LPIN1: variants seen among roughly 807,000 people sequenced by gnomAD.
The protein encoded by LPIN1 is phosphatidate phosphatase LPIN1.
In LPIN1, 71 loss-of-function variants were observed where a neutral mutation model predicts 107.5. The ratio of observed to expected loss-of-function variants is 0.66; its 90% CI spans 0.55 to 0.80. The LOEUF (loss-of-function observed/expected upper bound fraction) is 0.80. Among genes scored for constraint, LPIN1 ranks in the 30% least tolerant of loss-of-function variants. LPIN1 has a pLI of 0.00. For missense variants in LPIN1, 1,043 were observed against 1,160.6 expected (o/e 0.90, Z 1.47); for synonymous variants, 445 against 452.6 (o/e 0.98, Z 0.21).
intron 14 of LPIN1, among the ~76,000 whole-genome samples, chr2:11,796,531 G>T (rs948888887): frequency 2.0e-5 from 3 of 152,266 alleles, no homozygotes; most frequent in African/African-American, 4.8e-5. Context: ...CCTGGTAGGG[G>T]TGAGTTTGAA....
In LPIN1 at chr2:11,765,008, T is replaced by C. The variant is rs1670554567; in HGVS notation, c.-9-525T>C. Among the ~76,000 whole-genome samples, 1 of 151,930 alleles carries C rather than the reference T, an allele frequency of 6.6e-6. No homozygotes were observed. Among genetic ancestry groups the C allele is most frequent in the African/African-American group, 2.4e-5 (1 of 41,376 alleles). On this transcript the variant is annotated intron_variant, in intron 1 of 20. Transcript: ENST00000674199. The surrounding 1 kb of genome is among the most constrained non-coding windows in gnomAD (Gnocchi z 4.4). ...AGACTGGTGGGCTTGCTGTGGGAGT[T>C]GGGGTGATAGGCCGTGATGGGCCAT... is the stretch of plus-strand genomic sequence containing the variant.
At chr2:11,787,699 T>C (rs913538002) in intron 11 of LPIN1, among the ~76,000 whole-genome samples, 1 of 151,892 alleles carries the variant, frequency 6.6e-6, no homozygotes, top group Non-Finnish European at 1.5e-5. Flanking sequence ...CTCAGCACTT[T>C]GGGAGGCCAA....
At chr2:11,694,676 C>G (rs1385571645) in intron 1 of LPIN1, among the ~76,000 whole-genome samples, 1 of 152,202 alleles carries the variant, frequency 6.6e-6, no homozygotes, top group East Asian at 1.9e-4. Flanking sequence ...TAGCACAGGG[C>G]TGAGCACATG....
intron 1 of LPIN1, among the ~76,000 whole-genome samples, chr2:11,686,015 C>T (rs1012331152): frequency 3.3e-5 from 5 of 152,156 alleles, no homozygotes; most frequent in South Asian, 2.1e-4. Flanking sequence ...CTTCTCCAGC[C>T]GCCTGGAAAC....
At chr2:11,792,938 G>A (rs573644809) in intron 13 of LPIN1, among the ~76,000 whole-genome samples, 1 of 152,096 alleles carries the variant, frequency 6.6e-6, no homozygotes, top group Non-Finnish European at 1.5e-5. Flanking sequence ...CCTCTAGGAG[G>A]GTCCTCAAAG....
rs1163435231 is a variant in LPIN1 at position 11,782,112 on chromosome 2, T to G, written c.958-89T>G. On this transcript the variant is annotated intron_variant, in intron 7 of 20. Coordinates refer to ENST00000674199, the MANE Select transcript of LPIN1 (RefSeq NM_001349206.2). ...TTAAAAGTCCCTGCCTACTTTTGAT[T>G]ACTTGTTCTCCTTGGGTCACTCAGT... 5.0e-6 allele frequency: 5 copies of G among 990,564 alleles called. No homozygotes were observed. In the African/African-American group the frequency reaches 6.4e-5, roughly 13 times the overall value. The allele number at this position is 990,564 out of a possible 1,614,324, so 61.4% of individuals were successfully genotyped here.
intron 10 of LPIN1, among the ~76,000 whole-genome samples, chr2:11,785,387 C>T (rs1460890171): frequency 6.6e-6 from 1 of 152,080 alleles, no homozygotes; most frequent in African/African-American, 2.4e-5. Context: ...TAGAGGGTGT[C>T]GGCAGCGAGA....
At position 11,771,966 on chromosome 2, in the gene LPIN1, T is replaced by C. The variant is rs1671917226; in HGVS notation, c.596+287T>C. On this transcript the variant is annotated intron_variant, in intron 4 of 20. Coordinates refer to ENST00000674199, the MANE Select transcript of LPIN1 (RefSeq NM_001349206.2). The surrounding 1 kb of genome is among the most constrained non-coding windows in gnomAD (Gnocchi z 4.8). ...GAAATACTTATACAACTCGCCATCA[T>C]GTAGAATCAGTGGGAGCCCTGAGCT... 6.6e-6 allele frequency among the ~76,000 whole-genome samples: 1 copy of C among 152,216 alleles called. No individual in the cohort carries two copies. Among genetic ancestry groups the C allele is most frequent in the South Asian group, 2.1e-4 (1 of 4,832 alleles).
At chr2:11,821,799 C>T (rs1303646346) in intron 20 of LPIN1, among the ~76,000 whole-genome samples, 1 of 152,174 alleles carries the variant, frequency 6.6e-6, no homozygotes, top group Non-Finnish European at 1.5e-5. Flanking sequence ...TCTCACCCTG[C>T]AGTCATGCCA....
At chr2:11,820,596 T>C in intron 20 of LPIN1, 82 bp downstream of exon 20, 1 of 977,080 alleles carries the variant, frequency 1.0e-6, no homozygotes, top group Non-Finnish European at 1.6e-6. Flanking sequence ...CGGTGTACCT[T>C]TTCCCCTTTG....
At position 11,785,025 on chromosome 2, in the gene LPIN1, A is replaced by G; in HGVS notation, c.1498A>G (p.Ile500Val). 1 of 1,608,376 alleles carries G rather than the reference A, an allele frequency of 6.2e-7. No homozygotes were observed. Among genetic ancestry groups the G allele is most frequent in the Non-Finnish European group, 8.5e-7 (1 of 1,176,566 alleles). ...GGACGGGCTGAGGGACCTCCCTTCC[A>G]TCGCCATCTCCCTCTGCGGGGGCCT... ...TSDGLRDLPS[I>V]AISLCGGLSD... The change falls in exon 10 of 21, where the codon ATC (isoleucine) becomes GTC (valine). Residue 500 changes from isoleucine to valine, a missense_variant. By Grantham distance (29) the Ile-to-Val change is conservative (BLOSUM62 3). Transcript: ENST00000674199.
rs1446500002 is a variant in LPIN1 at position 11,779,575 on chromosome 2, C to T, written c.887C>T (p.Ser296Phe). Reference protein sequence around the residue: ...PKSDSELVSKSTERTGQKNPE... With the variant: ...PKSDSELVSKFTERTGQKNPE... ...AGTGATTCAGAATTGGTCAGCAAGTCCACGGAAAGGACAGGGCAGAAGAAC... is the reference window on the plus strand; with the variant it reads ...AGTGATTCAGAATTGGTCAGCAAGTTCACGGAAAGGACAGGGCAGAAGAAC... The change falls in exon 7 of 21, where the codon TCC becomes TTC. Residue 296 changes from serine (S) to phenylalanine (F), a missense_variant. Ser to Phe is a radical substitution (Grantham distance 155). Coordinates refer to ENST00000674199, the MANE Select transcript of LPIN1 (RefSeq NM_001349206.2). 2 of 1,613,948 alleles carry T rather than the reference C, an allele frequency of 1.2e-6. No homozygotes were observed. The highest frequency in any genetic ancestry group is 1.7e-6 in the Non-Finnish European group (2 of 1,180,024).
chr2:11,824,525 A>T, intron 20 of LPIN1, 107 bp from the exon 21 acceptor site: 1 of 1,028,620 alleles, frequency 9.7e-7, no homozygotes, highest in Non-Finnish European at 1.5e-6. Context: ...GTCGATAAGT[A>T]GGCGGTCTGC....
chr2:11,761,423 T>C (rs1218019286), intron 1 of LPIN1, among the ~76,000 whole-genome samples: 3 of 152,216 alleles, frequency 2.0e-5, no homozygotes, highest in Admixed American at 2.0e-4. Context: ...CTCTGGTGTT[T>C]ACTCCCAGGT....
intron 9 of LPIN1, chr2:11,784,209 C>T: frequency 1.2e-6 from 1 of 823,912 alleles, no homozygotes. Context: ...GAGGCTGAGG[C>T]AGGAGAATTG....
chr2:11,822,158 C>T (rs895046713), intron 20 of LPIN1, among the ~76,000 whole-genome samples: 2 of 151,620 alleles, frequency 1.3e-5, no homozygotes, highest in East Asian at 1.9e-4. Flanking sequence ...AGGCTGGGCA[C>T]GATGGCTCAT....
At position 11,784,945 on chromosome 2, in the gene LPIN1, A is replaced by G. The variant is rs1457081840; in HGVS notation, c.1418A>G (p.Gln473Arg). The stretch of plus-strand genomic sequence containing the variant: ...GACAACGGAGCCCGGTCAGCCAACC[A>G]GTCCCCGCAGTCGGTGGGCAGCTCG... Reference protein sequence around the residue: ...ASDNGARSANQSPQSVGSSGV... With the variant: ...ASDNGARSANRSPQSVGSSGV... Residue 473 changes from glutamine to arginine, a missense_variant, in exon 10 of 21, where the codon CAG (glutamine) becomes CGG (arginine). Coordinates refer to ENST00000674199, the MANE Select transcript of LPIN1 (RefSeq NM_001349206.2). 2.5e-6 allele frequency: 4 copies of G among 1,613,968 alleles called. No homozygotes were observed. The highest frequency in any genetic ancestry group is 3.4e-6 in the Non-Finnish European group (4 of 1,180,010).
intron 1 of LPIN1, among the ~76,000 whole-genome samples, chr2:11,705,254 A>T (rs564942528): frequency 2.9e-4 from 44 of 152,348 alleles, no homozygotes; most frequent in African/African-American, 1.1e-3. Context: ...GCCTCGGCCA[A>T]GTCCTTTGAC....
At chr2:11,797,308 G>A (rs911621396) in intron 14 of LPIN1, among the ~76,000 whole-genome samples, 4 of 152,308 alleles carry the variant, frequency 2.6e-5, no homozygotes, top group South Asian at 4.1e-4. Flanking sequence ...ACACCGATGC[G>A]GTAGACCCCG....
Sources: gnomAD v4.1 joint callset for allele counts (sites outside exome capture counted in the v4.1 genomes callset) on GRCh38, gnomAD v4.1.1 for gene constraint, Gnocchi (gnomAD v3.1) non-coding constraint, MANE v1.5 for transcripts, NCBI Gene and HGNC (gene_info 2026-07-23, HGNC 2026-07-21) for gene names.